FAM149A: variants seen among roughly 807,000 people sequenced by gnomAD.
FAM149A encodes the protein family with sequence similarity 149 member A.
FAM149A carries 71 observed loss-of-function variants against 78.2 expected under a neutral mutation model. That is an observed-to-expected ratio of 0.91 (90% CI 0.75 to 1.11). The LOEUF is 1.11. FAM149A is among the 50% of genes least tolerant of loss of function. The pLI is 0.00. For synonymous variants in FAM149A, 446 were observed against 410.5 expected (o/e 1.09, Z -1.04); for missense variants, 1,036 against 971.0 (o/e 1.07, Z -0.89).
At chr4:186,160,458 C>A (rs1038057404) in intron 8 of FAM149A, among the ~76,000 whole-genome samples, 1 of 146,966 alleles carries the variant, frequency 6.8e-6, no homozygotes, top group Non-Finnish European at 1.5e-5. Context: ...CACAAACACA[C>A]CACACACCAT....
chr4:186,125,936 G>A (rs1466509232), intron 1 of FAM149A: 7 of 985,254 alleles, frequency 7.1e-6, no homozygotes, highest in South Asian at 4.7e-5. Flanking sequence ...GCAAGAGCGC[G>A]AGGTAACAGC....
At chr4:186,154,677 ATAT>A (rs1222795257) in intron 6 of FAM149A, 39 bp downstream of exon 6, 3 of 1,564,974 alleles carry the variant, frequency 1.9e-6, no homozygotes, top group Non-Finnish European at 2.6e-6. Context: ...TCATAAAATA[ATAT>A]TAATTTATTT....
chr4:186,136,929 CTGAT>C (rs200544968), intron 1 of FAM149A, among the ~76,000 whole-genome samples: 2,618 of 138,424 alleles, frequency 0.019, 42 homozygotes, highest in South Asian at 0.03. Flanking sequence ...CTCAAATACA[CTGAT>C]TGATCTCTCT....
chr4:186,163,379 A>G (rs967877472), intron 9 of FAM149A, 45 bp from the exon 10 acceptor site: 4 of 1,522,846 alleles, frequency 2.6e-6, no homozygotes, highest in South Asian at 2.2e-5. Flanking sequence ...GTTCCCTGTT[A>G]TCACAGCACT....
At chr4:186,149,814 T>C (rs1733327835) in intron 3 of FAM149A, 110 bp downstream of exon 3, 1 of 506,702 alleles carries the variant, frequency 2.0e-6, no homozygotes, top group African/African-American at 2.1e-5. Flanking sequence ...ACCTATTGCA[T>C]ACATACATGT....
Position 186,149,247 on chromosome 4 carries a change from C to A in FAM149A, c.641C>A (p.Thr214Lys). Residue 214 changes from threonine to lysine, a missense_variant, in exon 2 of 14, where the codon ACA becomes AAA. Thr to Lys is a moderately conservative substitution (Grantham distance 78, BLOSUM62 -1). Transcript: ENST00000389354. Reference sequence around the variant, plus strand: ...AAAGATTCTTTACCTACGCATTTTACAAGAAATGTGCAGAAAGCCATTGAT... The same window carrying A: ...AAAGATTCTTTACCTACGCATTTTAAAAGAAATGTGCAGAAAGCCATTGAT... 7.8e-7 allele frequency: 1 copy of A among 1,289,264 alleles called. No individual in the cohort carries two copies. The highest frequency in any genetic ancestry group is 1.5e-5 in the African/African-American group (1 of 65,940). The allele number at this position is 1,289,264 out of a possible 1,614,324, so 79.9% of individuals were successfully genotyped here.
rs1448982453 is a variant in FAM149A, at chr4:186,144,870, C to T, written c.567-4303C>T. ...AGGATCTGGAGAGGGAAGGGGCGTG[C>T]GAGCCCCGCGGACCCCGGGCGCGCC... is the stretch of plus-strand genomic sequence containing the variant. On this transcript the variant is annotated intron_variant, in intron 1 of 13. Transcript: ENST00000389354. This position sits in a 1 kb window ranked among gnomAD's most constrained non-coding sequence, Gnocchi z 4.2. 5 of 975,042 alleles carry T rather than the reference C, an allele frequency of 5.1e-6. No homozygotes were observed. The highest frequency in any genetic ancestry group is 2.4e-4 in the East Asian group (2 of 8,460). 60.4% of individuals were successfully genotyped at this position (975,042 alleles called of 1,614,324 possible).
At chr4:186,156,759 G>A (rs1734057726) in intron 7 of FAM149A, among the ~76,000 whole-genome samples, 1 of 152,026 alleles carries the variant, frequency 6.6e-6, no homozygotes, top group Non-Finnish European at 1.5e-5. Flanking sequence ...GAACCCAGAG[G>A]TTCAAGGCCA....
chr4:186,108,393 C>T (rs2099309650), intron 1 of FAM149A, among the ~76,000 whole-genome samples: 1 of 150,528 alleles, frequency 6.6e-6, no homozygotes, highest in Admixed American at 6.7e-5. Context: ...TTTACATTTG[C>T]CTGATTCTGT....
chr4:186,128,825 CTGTGTGTATGTGCA>C (rs1342403797), intron 1 of FAM149A, among the ~76,000 whole-genome samples: 1 of 151,654 alleles, frequency 6.6e-6, no homozygotes, highest in East Asian at 1.9e-4. Context: ...GGATGGATGT[CTGTGTGTATGTGCA>C]TGTGTGTATG....
chr4:186,105,437 G>A lies in FAM149A; in HGVS notation c.361G>A (p.Ala121Thr). The A allele has an allele frequency of 1.6e-6, 2 of 1,213,914 alleles. No homozygotes were observed. Among genetic ancestry groups the A allele is most frequent in the Non-Finnish European group, 2.1e-6 (2 of 957,988 alleles). The allele number at this position is 1,213,914 out of a possible 1,614,324, so 75.2% of individuals were successfully genotyped here. A position where few individuals can be genotyped will look rare whatever the true frequency, so the allele number is the denominator to read the frequency against. ...TCCCTCCGGCGGGGGCTGCTCCCCT[G>A]CTCGCCTGGTGGTCCCAGCGCGGCC... The change falls in exon 1 of 14, where the codon GCT (alanine) becomes ACT (threonine). Residue 121 changes from alanine (A) to threonine (T), a missense_variant. By Grantham distance (58) the Ala-to-Thr change is moderately conservative. Transcript: ENST00000389354.
intron 1 of FAM149A, chr4:186,125,698 T>TG (rs1184250426): frequency 2.0e-6 from 2 of 984,436 alleles, no homozygotes; most frequent in African/African-American, 3.5e-5. Context: ...TAATAAATGT[T>TG]GGGGAATTAA....
chr4:186,108,476 C>T (rs1464435700), intron 1 of FAM149A, among the ~76,000 whole-genome samples: 1 of 151,886 alleles, frequency 6.6e-6, no homozygotes, highest in Non-Finnish European at 1.5e-5. Context: ...TATGCAAACT[C>T]TCCTGCAATT....
At position 186,169,493 on chromosome 4, in the gene FAM149A, C is replaced by T. The variant is rs951226351; in HGVS notation, c.2218+2231C>T. 6 of 985,248 alleles carry T rather than the reference C, an allele frequency of 6.1e-6. No homozygotes were observed. The African/African-American group carries it at 1.0e-4, about 17-fold the overall frequency. 61.0% of individuals were successfully genotyped at this position (985,248 alleles called of 1,614,324 possible). A position where few individuals can be genotyped will look rare whatever the true frequency, so the allele number is the denominator to read the frequency against. ...AGTCTTATCCCTCAAAAGTCTTGTC[C>T]CTCAAAAATGGAAAGCTCTTTCTTT... On this transcript the variant is annotated intron_variant, in intron 13 of 13. Coordinates refer to ENST00000389354, the MANE Select transcript of FAM149A (RefSeq NM_001367768.3).
At chr4:186,127,686 G>T (rs1317766867) in intron 1 of FAM149A, 1 of 961,844 alleles carries the variant, frequency 1.0e-6, no homozygotes, top group African/African-American at 2.0e-5. Flanking sequence ...TATTCTGGTG[G>T]TTTTTGTTTT....
intron 1 of FAM149A, chr4:186,109,872 T>A: frequency 3.0e-6 from 3 of 985,406 alleles, no homozygotes; most frequent in Non-Finnish European, 3.6e-6. Flanking sequence ...CATCATTACC[T>A]TCCCTGCATG....
Position 186,160,903 on chromosome 4 carries a change from G to C in FAM149A, c.1576-1942G>C, listed in dbSNP as rs555655564. On this transcript the variant is annotated intron_variant, in intron 8 of 13. Coordinates refer to ENST00000389354, the MANE Select transcript of FAM149A (RefSeq NM_001367768.3). ...TGTCTGCATTTAATACTCCGTGATTGTAAATCAGTCCCTGTTTCTCAAAAC... is the reference window on the plus strand; with the variant it reads ...TGTCTGCATTTAATACTCCGTGATTCTAAATCAGTCCCTGTTTCTCAAAAC... 6.1e-6 allele frequency: 6 copies of C among 981,930 alleles called. No homozygotes were observed. In the South Asian group the frequency reaches 2.8e-4, roughly 46 times the overall value. The allele number at this position is 981,930 out of a possible 1,614,324, so 60.8% of individuals were successfully genotyped here. A position where few individuals can be genotyped will look rare whatever the true frequency, so the allele number is the denominator to read the frequency against.
chr4:186,128,234 C>A (rs2099319234), intron 1 of FAM149A, among the ~76,000 whole-genome samples: 1 of 152,010 alleles, frequency 6.6e-6, no homozygotes, highest in Admixed American at 6.6e-5. Context: ...GGTGATCCAC[C>A]CACCTCTGCC....
chr4:186,125,171 C>A, intron 1 of FAM149A: 1 of 746,626 alleles, frequency 1.3e-6, no homozygotes, highest in Non-Finnish European at 1.6e-6. Context: ...AATGACTGGA[C>A]TATTGGAAAT....
Sources: gnomAD v4.1 joint callset for allele counts (sites outside exome capture counted in the v4.1 genomes callset) on GRCh38, gnomAD v4.1.1 for gene constraint, Gnocchi (gnomAD v3.1) non-coding constraint, MANE v1.5 for transcripts, NCBI Gene and HGNC (gene_info 2026-07-23, HGNC 2026-07-21) for gene names.